The following CDH12 variants were observed in gnomAD, a reference collection of about 807,000 sequenced individuals.
The protein encoded by CDH12 is cadherin-12.
In CDH12, 41 loss-of-function variants were observed where a neutral mutation model predicts 74.1. That is an observed-to-expected ratio of 0.55 (90% CI 0.43 to 0.72). The LOEUF is 0.72. CDH12 is among the 30% of genes least tolerant of loss of function. CDH12 has a pLI of 0.00. For missense variants in CDH12, 945 were observed against 977.2 expected, an observed-to-expected ratio of 0.97 and a Z score of 0.44; for synonymous variants, 399 against 355.0, an observed-to-expected ratio of 1.12 and a Z score of -1.39.
intron 6 of CDH12, among the ~76,000 whole-genome samples, chr5:21,857,814 C>T (rs901977802): frequency 1.3e-5 from 2 of 151,820 alleles, no homozygotes; most frequent in African/African-American, 4.8e-5. Flanking sequence ...GTGTCCTAAA[C>T]AATAGAAATC....
intron 5 of CDH12, among the ~76,000 whole-genome samples, chr5:22,065,597 C>A (rs1478945025): frequency 2.0e-5 from 3 of 152,082 alleles, no homozygotes; most frequent in African/African-American, 7.2e-5. Context: ...TATTTAATAT[C>A]TATTTATCCA....
intron 2 of CDH12, among the ~76,000 whole-genome samples, chr5:22,494,640 T>G (rs1747027221): frequency 6.6e-6 from 1 of 152,214 alleles, no homozygotes; most frequent in Non-Finnish European, 1.5e-5. Flanking sequence ...ACTGGTTTCA[T>G]TAGATGGCAT....
intron 4 of CDH12, among the ~76,000 whole-genome samples, chr5:22,089,060 A>G (rs111711528): frequency 1.9e-3 from 287 of 152,330 alleles, no homozygotes; most frequent in African/African-American, 6.7e-3. Flanking sequence ...ACAAACAGCC[A>G]TTGACCAGCA....
intron 1 of CDH12, among the ~76,000 whole-genome samples, chr5:22,621,879 A>T (rs544491353): frequency 2.0e-5 from 3 of 152,194 alleles, no homozygotes; most frequent in Admixed American, 6.5e-5. Flanking sequence ...AACACAAAAA[A>T]CTAGGCTCTG....
At chr5:22,344,873 T>C (rs1337151070) in intron 3 of CDH12, among the ~76,000 whole-genome samples, 1 of 152,196 alleles carries the variant, frequency 6.6e-6, no homozygotes, top group African/African-American at 2.4e-5. Flanking sequence ...TGTGTGTATG[T>C]CTGTGAGTAT....
intron 5 of CDH12, among the ~76,000 whole-genome samples, chr5:22,076,490 C>A (rs935933277): frequency 1.3e-5 from 2 of 152,054 alleles, no homozygotes; most frequent in African/African-American, 4.8e-5. Flanking sequence ...TGTCAGGAAC[C>A]TCAATATGAT....
chr5:21,831,320 C>T (rs1749008920), intron 8 of CDH12, among the ~76,000 whole-genome samples: 1 of 152,042 alleles, frequency 6.6e-6, no homozygotes, highest in Non-Finnish European at 1.5e-5. Context: ...AGTTTCTGGC[C>T]CCATCTCTCA....
chr5:22,735,281 C>A (rs1157899350), intron 1 of CDH12, among the ~76,000 whole-genome samples: 1 of 151,762 alleles, frequency 6.6e-6, no homozygotes, highest in African/African-American at 2.4e-5. Flanking sequence ...TGATTACATA[C>A]AAATAATATA....
chr5:22,105,258 AT>A (rs111996237), intron 4 of CDH12, among the ~76,000 whole-genome samples: 3 of 150,538 alleles, frequency 2.0e-5, no homozygotes, highest in African/African-American at 4.9e-5. Context: ...CACCCAGCTA[AT>A]TTTTTTTATA....
At chr5:22,089,987 A>G (rs1020016948) in intron 4 of CDH12, among the ~76,000 whole-genome samples, 1 of 151,996 alleles carries the variant, frequency 6.6e-6, no homozygotes, top group African/African-American at 2.4e-5. Flanking sequence ...CCACCCCAAT[A>G]AGAAAGAAGA....
chr5:21,933,958 T>C lies in CDH12; in HGVS notation c.526+41133A>G, dbSNP rs180806144. Among the ~76,000 whole-genome samples, 1,050 of 152,342 alleles carry C rather than the reference T, an allele frequency of 6.9e-3. 7 individuals carry two copies. The highest frequency in any genetic ancestry group is 0.011 in the Non-Finnish European group (733 of 68,034). On this transcript the variant is annotated intron_variant, in intron 6 of 14. Coordinates refer to ENST00000382254, the MANE Select transcript of CDH12 (RefSeq NM_004061.5). ...AGTCACTAAATCTTTTTACTATCTA[T>C]GGATTCTGGCCACAGCCATAAGATT...
intron 1 of CDH12, among the ~76,000 whole-genome samples, chr5:22,743,975 A>G (rs1469766877): frequency 6.6e-6 from 1 of 152,032 alleles, no homozygotes; most frequent in Non-Finnish European, 1.5e-5. Context: ...ATCCTTCCTT[A>G]GAAATAGAAT....
chr5:21,889,822 A>C, intron 6 of CDH12: 1 of 985,364 alleles, frequency 1.0e-6, no homozygotes, highest in Non-Finnish European at 1.2e-6. Context: ...GATGAAGAAC[A>C]GCTGCCTTTG....
chr5:22,098,001 T>C (rs1460238867), intron 4 of CDH12, among the ~76,000 whole-genome samples: 2 of 152,214 alleles, frequency 1.3e-5, no homozygotes, highest in African/African-American at 4.8e-5. Context: ...CAAATTGTTT[T>C]GCCTATCCAC....
At chr5:22,452,931 A>AAT (rs1461912733) in intron 2 of CDH12, among the ~76,000 whole-genome samples, 1 of 149,892 alleles carries the variant, frequency 6.7e-6, no homozygotes, top group Non-Finnish European at 1.5e-5. Flanking sequence ...CAAAGCCCTT[A>AAT]ATATATATAT....
intron 1 of CDH12, among the ~76,000 whole-genome samples, chr5:22,535,269 T>C (rs922998644): frequency 2.1e-4 from 31 of 148,420 alleles, no homozygotes; most frequent in East Asian, 1.4e-3. Context: ...ATTCTCCTAC[T>C]TCAGCCTCCC....
At chr5:21,816,649 A>AAAAAAAAAAAAAAAAAAAAAC (rs1561209107) in intron 9 of CDH12, among the ~76,000 whole-genome samples, 1 of 145,262 alleles carries the variant, frequency 6.9e-6, no homozygotes, top group African/African-American at 2.5e-5. Context: ...AAAAAAAAAA[A>AAAAAAAAAAAAAAAAAAAAAC]AAAAGAATAG....
chr5:22,847,963 A>C (rs899002523), intron 1 of CDH12, among the ~76,000 whole-genome samples: 1 of 151,580 alleles, frequency 6.6e-6, no homozygotes, highest in African/African-American at 2.4e-5. Flanking sequence ...GGCTCACTGC[A>C]ACCTCCGCCT....
chr5:22,500,092 C>A (rs868273022), intron 2 of CDH12, among the ~76,000 whole-genome samples: 4 of 152,010 alleles, frequency 2.6e-5, no homozygotes, highest in Middle Eastern at 3.2e-3. Context: ...GTATCATGAA[C>A]CTGATTTAAA....
Sources: gnomAD v4.1 joint callset for allele counts (sites outside exome capture counted in the v4.1 genomes callset) on GRCh38, gnomAD v4.1.1 for gene constraint, MANE v1.5 for transcripts, NCBI Gene and HGNC (gene_info 2026-07-23, HGNC 2026-07-21) for gene names.